The following GALNT13 variants were observed in gnomAD, a reference collection of about 807,000 sequenced individuals.
GALNT13 encodes UDP-GalNAc:polypeptide N-acetylgalactosaminyltransferase 13.
GALNT13 carries 28 observed loss-of-function variants against 64.2 expected under a neutral mutation model. That is an observed-to-expected ratio of 0.44 (90% CI 0.32 to 0.60). The LOEUF (loss-of-function observed/expected upper bound fraction) is 0.60. Ranked by LOEUF, GALNT13 falls within the 20% of genes least tolerant of loss-of-function variation. The pLI is 0.05. For missense variants in GALNT13, 577 were observed against 669.8 expected (o/e 0.86, Z 1.53); for synonymous variants, 214 against 224.6 (o/e 0.95, Z 0.42).
At chr2:154,163,119 C>T (rs935674357) in intron 4 of GALNT13, among the ~76,000 whole-genome samples, 1 of 141,832 alleles carries the variant, frequency 7.1e-6, no homozygotes, top group African/African-American at 2.6e-5. Flanking sequence ...TCTCCTAATG[C>T]TATCCCTCCC....
At chr2:154,113,224 G>C (rs904019473) in intron 3 of GALNT13, among the ~76,000 whole-genome samples, 1 of 192 alleles carries the variant, frequency 5.2e-3, no homozygotes, top group African/African-American at 0.022. Context: ...TCCACCTATG[G>C]GGGCCTGCAA....
chr2:153,525,579 C>T, the GALNT13 span, among the ~76,000 whole-genome samples: 271 of 152,206 alleles, frequency 1.8e-3, no homozygotes, highest in African/African-American at 6.1e-3. Flanking sequence ...GTGTGAACCC[C>T]GTTGTGAACT....
chr2:153,151,097 A>T, the GALNT13 span, among the ~76,000 whole-genome samples: 570 of 152,132 alleles, frequency 3.7e-3, 2 homozygotes, highest in Non-Finnish European at 4.5e-3. Context: ...TTCCTACCCA[A>T]GAGCATGGAA....
chr2:154,288,443 G>T (rs1692405438), intron 8 of GALNT13, among the ~76,000 whole-genome samples: 1 of 151,966 alleles, frequency 6.6e-6, no homozygotes, highest in South Asian at 2.1e-4. Flanking sequence ...GTCCCCCAAA[G>T]TCTTAACTCA....
chr2:154,170,845 G>A (rs569907053), intron 4 of GALNT13, among the ~76,000 whole-genome samples: 4 of 152,092 alleles, frequency 2.6e-5, no homozygotes, highest in Non-Finnish European at 4.4e-5. Context: ...AATATCCAGT[G>A]CCAATAATAA....
the GALNT13 span, among the ~76,000 whole-genome samples, chr2:153,377,095 T>C: frequency 6.6e-6 from 1 of 152,126 alleles, no homozygotes; most frequent in Non-Finnish European, 1.5e-5. Flanking sequence ...TCAATGTAAC[T>C]GATGTCCTTA....
the GALNT13 span, among the ~76,000 whole-genome samples, chr2:153,178,315 A>T: frequency 6.6e-6 from 1 of 152,204 alleles, no homozygotes; most frequent in Non-Finnish European, 1.5e-5. Context: ...ACTAAGTTAC[A>T]GTCCCACCAA....
chr2:153,494,485 G>C, the GALNT13 span, among the ~76,000 whole-genome samples: 1 of 151,940 alleles, frequency 6.6e-6, no homozygotes, highest in Non-Finnish European at 1.5e-5. Flanking sequence ...TTTTCAGCAA[G>C]TACCCCAAAA....
the GALNT13 span, among the ~76,000 whole-genome samples, chr2:153,528,991 A>T: frequency 6.6e-6 from 1 of 151,942 alleles, no homozygotes; most frequent in Admixed American, 6.5e-5. Context: ...TCAAATAAAG[A>T]ACCAGAAATG....
intron 1 of GALNT13, among the ~76,000 whole-genome samples, chr2:153,877,055 C>A (rs963105661): frequency 6.6e-6 from 1 of 152,022 alleles, no homozygotes; most frequent in Non-Finnish European, 1.5e-5. Flanking sequence ...AATGGTTAAT[C>A]CTCTCAAGAT....
the GALNT13 span, among the ~76,000 whole-genome samples, chr2:153,645,568 CAT>C: frequency 6.6e-6 from 1 of 152,044 alleles, no homozygotes; most frequent in Non-Finnish European, 1.5e-5. Flanking sequence ...TCTATCATTA[CAT>C]GTGTATACAG....
At chr2:153,753,284 G>A in the GALNT13 span, among the ~76,000 whole-genome samples, 6 of 152,140 alleles carry the variant, frequency 3.9e-5, no homozygotes, top group Admixed American at 1.3e-4. Flanking sequence ...ATGTTTTCCC[G>A]GATGGTCTTG....
the GALNT13 span, among the ~76,000 whole-genome samples, chr2:153,821,959 G>C: frequency 6.6e-6 from 1 of 152,080 alleles, no homozygotes; most frequent in Non-Finnish European, 1.5e-5. Context: ...ACTCAACTCT[G>C]TTCACACAAA....
chr2:154,078,109 A>G (rs1701085426), intron 3 of GALNT13, among the ~76,000 whole-genome samples: 2 of 151,496 alleles, frequency 1.3e-5, no homozygotes, highest in South Asian at 4.1e-4. Context: ...CAGTTATTAA[A>G]CAAAGTGAAA....
At chr2:153,851,728 A>G in the GALNT13 span, among the ~76,000 whole-genome samples, 1 of 152,146 alleles carries the variant, frequency 6.6e-6, no homozygotes, top group South Asian at 2.1e-4. Flanking sequence ...ACAAAAAGGA[A>G]TCTACATCTA....
intron 3 of GALNT13, among the ~76,000 whole-genome samples, chr2:154,090,344 C>A (rs981663344): frequency 6.6e-6 from 1 of 151,980 alleles, no homozygotes; most frequent in African/African-American, 2.4e-5. Flanking sequence ...TTATGAAATG[C>A]AGATATGAAT....
chr2:154,286,662 C>A (rs548445082), intron 8 of GALNT13: 4 of 272,494 alleles, frequency 1.5e-5, no homozygotes, highest in Admixed American at 8.3e-5. Flanking sequence ...GCATGGTGAA[C>A]TCTGCCTTAT....
intron 8 of GALNT13, among the ~76,000 whole-genome samples, chr2:154,285,068 G>T (rs1692183494): frequency 6.6e-6 from 1 of 151,786 alleles, no homozygotes. Context: ...TTTGAAATTG[G>T]GTTATTAATA....
the GALNT13 span, among the ~76,000 whole-genome samples, chr2:153,274,897 C>T: frequency 1.3e-5 from 2 of 152,164 alleles, no homozygotes; most frequent in Non-Finnish European, 2.9e-5. Flanking sequence ...TGTGGCCTAC[C>T]TTTCTTTACA....
Sources: gnomAD v4.1 joint callset for allele counts (sites outside exome capture counted in the v4.1 genomes callset) on GRCh38, gnomAD v4.1.1 for gene constraint, MANE v1.5 for transcripts, NCBI Gene and HGNC (gene_info 2026-07-23, HGNC 2026-07-21) for gene names.